ART3: variants seen among roughly 807,000 people sequenced by gnomAD.
The protein encoded by ART3 is ADP-ribosyltransferase 3 (inactive).
A neutral mutation model predicts 48.5 loss-of-function variants in ART3; 49 were observed. The observed-to-expected ratio is 1.01, with a 90% CI of 0.80 to 1.28. The LOEUF (loss-of-function observed/expected upper bound fraction) is 1.28. ART3 is among the 50% of genes most tolerant of loss of function. The pLI is 0.00. For synonymous variants in ART3, 145 were observed against 157.2 expected (o/e 0.92, Z 0.58); for missense variants, 438 against 454.3 (o/e 0.96, Z 0.33).
At chr4:76,072,950 T>C (rs1200947189), upstream of ART3, among the ~76,000 whole-genome samples, 1 of 152,184 alleles carries the variant, frequency 6.6e-6, no homozygotes, top group East Asian at 1.9e-4. Flanking sequence ...TCCCTAACAA[T>C]CCAATTTAAA....
intron 2 of ART3, among the ~76,000 whole-genome samples, chr4:76,078,539 C>A (rs992039940): frequency 1.3e-5 from 2 of 152,174 alleles, no homozygotes; most frequent in Admixed American, 6.5e-5. Flanking sequence ...AACTGACCTA[C>A]AAACCCAGGA....
At chr4:76,028,608 C>T (rs1441206471) in intron 1 of ART3, among the ~76,000 whole-genome samples, 2 of 152,220 alleles carry the variant, frequency 1.3e-5, no homozygotes, top group Admixed American at 1.3e-4. Context: ...CTGGGAATCC[C>T]CTCAGCTGGT....
Position 76,015,011 on chromosome 4 carries a change from A to G in ART3, c.-10+3691A>G, listed in dbSNP as rs1028173583. 2.6e-5 allele frequency among the ~76,000 whole-genome samples: 4 copies of G among 152,290 alleles called. No homozygotes were observed. The East Asian group carries it at 5.8e-4, about 22-fold the overall frequency. ...AGACATTTTTAAATAGACTGAAGCT[A>G]GGGGGAGTTTATTACTAGTAGACTT... On this transcript the variant is annotated intron_variant, in intron 1 of 9. Coordinates refer to the ART3 transcript ENST00000341029.
At chr4:76,040,062 T>C (rs1368392899) in intron 1 of ART3, among the ~76,000 whole-genome samples, 1 of 152,226 alleles carries the variant, frequency 6.6e-6, no homozygotes, top group African/African-American at 2.4e-5. Flanking sequence ...TGGTGGCTCA[T>C]GCCTGTAATC....
chr4:76,106,601 G>C (rs1728529403), intron 10 of ART3, among the ~76,000 whole-genome samples: 1 of 152,136 alleles, frequency 6.6e-6, no homozygotes, highest in South Asian at 2.1e-4. Context: ...GCAGCTGCAG[G>C]CATATTCCCC....
At chr4:76,024,309 A>G (rs1733167461) in intron 1 of ART3, among the ~76,000 whole-genome samples, 1 of 152,162 alleles carries the variant, frequency 6.6e-6, no homozygotes, top group Admixed American at 6.5e-5. Context: ...GGGGGCACGC[A>G]TAGAGACAGA....
chr4:76,016,267 G>A (rs1399167411), intron 1 of ART3, among the ~76,000 whole-genome samples: 1 of 152,166 alleles, frequency 6.6e-6, no homozygotes, highest in East Asian at 1.9e-4. Context: ...TGCTATCTAA[G>A]CCATATTTGC....
intron 9 of ART3, 120 bp downstream of exon 9, chr4:76,104,089 C>A: frequency 1.8e-6 from 2 of 1,114,326 alleles, no homozygotes; most frequent in Non-Finnish European, 2.6e-6. Flanking sequence ...TAGCTACCTG[C>A]CAGTCATCTA....
intron 4 of ART3, among the ~76,000 whole-genome samples, chr4:76,098,352 C>G (rs1311829600): frequency 6.6e-6 from 1 of 152,100 alleles, no homozygotes; most frequent in Non-Finnish European, 1.5e-5. Context: ...TTAAGACATG[C>G]TCTGGGTGGA....
At chr4:76,074,449 T>C (rs143528043), upstream of ART3, among the ~76,000 whole-genome samples, 18 of 152,218 alleles carry the variant, frequency 1.2e-4, no homozygotes, top group East Asian at 3.5e-3. Context: ...GATATCTCAG[T>C]GTCAAAGGAT....
Position 76,101,082 on chromosome 4 carries a change from G to A in ART3, c.937+63G>A, listed in dbSNP as rs373435546. 28 of 1,581,394 alleles carry A rather than the reference G, an allele frequency of 1.8e-5. No individual in the cohort carries two copies. The East Asian group carries it at 4.0e-4, about 23-fold the overall frequency. On this transcript the variant is annotated intron_variant, in intron 8 of 11. Coordinates refer to ENST00000355810, the MANE Select transcript of ART3 (RefSeq NM_001130016.3). ...GCAATATATCTCCCTTTACATGTGG[G>A]AACAGGGAAGAATGTCGTGGTAAGA...
chr4:76,109,719 G>A (rs4416502), intron 11 of ART3, among the ~76,000 whole-genome samples: 60,704 of 151,984 alleles, frequency 0.4, 16,613 homozygotes, highest in African/African-American at 0.77. Flanking sequence ...TATAATTATA[G>A]TCTTATGGGA....
chr4:76,017,727 C>T (rs910095855), intron 1 of ART3, among the ~76,000 whole-genome samples: 3 of 152,338 alleles, frequency 2.0e-5, no homozygotes, highest in Admixed American at 6.5e-5. Flanking sequence ...AGCACTTTAG[C>T]GAGCAGAGGC....
At chr4:76,094,692 A>G (rs746177414) in intron 3 of ART3, among the ~76,000 whole-genome samples, 5 of 152,158 alleles carry the variant, frequency 3.3e-5, no homozygotes, top group Non-Finnish European at 7.3e-5. Context: ...AATAGACACT[A>G]TTCTTGACCT....
intron 1 of ART3, chr4:76,057,881 T>A (rs966596205): frequency 6.6e-6 from 1 of 152,250 alleles, no homozygotes; most frequent in African/African-American, 2.4e-5. Flanking sequence ...TTTCTTTTAA[T>A]CCTTCAAAGA....
chr4:76,054,315 A>G (rs1718465165), intron 1 of ART3, among the ~76,000 whole-genome samples: 1 of 152,226 alleles, frequency 6.6e-6, no homozygotes. Context: ...TTTAAAAAAT[A>G]GAATATAGTA....
At chr4:76,109,587 A>G (rs1395702648) in intron 11 of ART3, among the ~76,000 whole-genome samples, 1 of 152,230 alleles carries the variant, frequency 6.6e-6, no homozygotes, top group Non-Finnish European at 1.5e-5. Flanking sequence ...ATATAATTGT[A>G]TGTGCTATAC....
chr4:76,028,826 A>G (rs1314187519), intron 1 of ART3, among the ~76,000 whole-genome samples: 1 of 152,194 alleles, frequency 6.6e-6, no homozygotes, highest in Non-Finnish European at 1.5e-5. Context: ...GACCCTAACA[A>G]TCATCATGGC....
At chr4:76,060,543 A>G (rs1719113778) in intron 1 of ART3, among the ~76,000 whole-genome samples, 1 of 152,228 alleles carries the variant, frequency 6.6e-6, no homozygotes, top group Non-Finnish European at 1.5e-5. Flanking sequence ...ATTATTCCCC[A>G]AAGATTTCCA....
Sources: gnomAD v4.1 joint callset for allele counts (sites outside exome capture counted in the v4.1 genomes callset) on GRCh38, gnomAD v4.1.1 for gene constraint, MANE v1.5 for transcripts, NCBI Gene and HGNC (gene_info 2026-07-23, HGNC 2026-07-21) for gene names.